KAZN: variants seen among roughly 807,000 people sequenced by gnomAD.
KAZN encodes kazrin.
KAZN carries 40 observed loss-of-function variants against 87.4 expected under a neutral mutation model. The observed-to-expected ratio is 0.46, with a 90% confidence interval of 0.36 to 0.60. KAZN has a LOEUF of 0.60. Ranked by LOEUF, KAZN falls within the 20% of genes least tolerant of loss-of-function variation. The pLI is 0.00. For missense variants in KAZN, 898 were observed against 1,073.9 expected, an observed-to-expected ratio of 0.84 and a Z score of 2.29; for synonymous variants, 466 against 458.3, an observed-to-expected ratio of 1.02 and a Z score of -0.22.
chr1:14,739,460 G>A (rs1204596749), intron 1 of KAZN, among the ~76,000 whole-genome samples: 2 of 152,006 alleles, frequency 1.3e-5, no homozygotes, highest in East Asian at 1.9e-4. Flanking sequence ...CCTCCTGTTC[G>A]TGTGATAACT....
At chr1:14,714,521 G>A (rs1330233122) in intron 1 of KAZN, among the ~76,000 whole-genome samples, 1 of 152,166 alleles carries the variant, frequency 6.6e-6, no homozygotes, top group Non-Finnish European at 1.5e-5. Flanking sequence ...GGGGCCCTGG[G>A]TTGGGAATGT....
At chr1:14,489,715 C>T (rs915563958) in intron 2 of KAZN, among the ~76,000 whole-genome samples, 2 of 146,888 alleles carry the variant, frequency 1.4e-5, no homozygotes, top group African/African-American at 5.0e-5. Flanking sequence ...GCCTGTGTGA[C>T]AGAGTAAGAC....
At chr1:15,031,708 A>G (rs1372805221) in intron 2 of KAZN, among the ~76,000 whole-genome samples, 1 of 152,084 alleles carries the variant, frequency 6.6e-6, no homozygotes, top group African/African-American at 2.4e-5. Context: ...TGCTCAAGCA[A>G]TCATCCCACC....
chr1:14,056,458 C>T (rs1375071987), intron 1 of KAZN, among the ~76,000 whole-genome samples: 1 of 152,162 alleles, frequency 6.6e-6, no homozygotes, highest in Non-Finnish European at 1.5e-5. Flanking sequence ...AACAGATTTC[C>T]CCTGGAGCTT....
intron 1 of KAZN, among the ~76,000 whole-genome samples, chr1:14,801,687 T>C (rs1646030436): frequency 7.1e-6 from 1 of 141,306 alleles, no homozygotes; most frequent in African/African-American, 2.7e-5. Context: ...TTTTTTTGTT[T>C]TTTTGTTTTT....
chr1:13,895,090 A>G (rs907302860), intron 1 of KAZN, among the ~76,000 whole-genome samples: 10 of 152,240 alleles, frequency 6.6e-5, no homozygotes, highest in Admixed American at 1.3e-4. Context: ...ATGTGAAAAC[A>G]TCCTTCTATG....
Position 15,044,594 on chromosome 1 carries a change from A to G in KAZN, c.726+435A>G, listed in dbSNP as rs530830895. Among the ~76,000 whole-genome samples the G allele has an allele frequency of 9.9e-5, 15 of 152,184 alleles. No homozygotes were observed. In the East Asian group the frequency reaches 2.5e-3, roughly 26 times the overall value. On this transcript the variant is annotated intron_variant, in intron 4 of 14. Transcript: ENST00000376030. ...GGCAAAACCCTATCTCTACCAAAAA[A>G]TTAGCCAGGCCTGGTACATGCCTGT...
intron 1 of KAZN, among the ~76,000 whole-genome samples, chr1:14,137,401 C>G (rs1645131315): frequency 6.6e-6 from 1 of 152,188 alleles, no homozygotes; most frequent in South Asian, 2.1e-4. Flanking sequence ...CATCCATCTA[C>G]TGACCAGAAC....
At chr1:14,911,591 C>T (rs1200558031) in intron 1 of KAZN, among the ~76,000 whole-genome samples, 2 of 152,324 alleles carry the variant, frequency 1.3e-5, no homozygotes, top group South Asian at 4.1e-4. Flanking sequence ...GGAACCCACA[C>T]CCTGTCACTG....
At chr1:14,234,824 G>T (rs1648249252) in intron 2 of KAZN, among the ~76,000 whole-genome samples, 1 of 152,206 alleles carries the variant, frequency 6.6e-6, no homozygotes, top group Non-Finnish European at 1.5e-5. Context: ...AAGCAGGTTG[G>T]CATATGTAGT....
intron 1 of KAZN, among the ~76,000 whole-genome samples, chr1:14,905,098 G>A (rs369190069): frequency 4.6e-5 from 7 of 151,784 alleles, no homozygotes; most frequent in Admixed American, 2.6e-4. Flanking sequence ...TCGCTCCTTC[G>A]CCCAGGCTGG....
chr1:14,547,474 G>A (rs749218309), intron 2 of KAZN, among the ~76,000 whole-genome samples: 14 of 152,162 alleles, frequency 9.2e-5, no homozygotes, highest in South Asian at 2.1e-4. Context: ...GGAACAGATC[G>A]TTTTCAAAAC....
chr1:14,492,689 C>CCACGCATAT (rs1557756313), intron 2 of KAZN, among the ~76,000 whole-genome samples: 1 of 50 alleles, frequency 0.02, no homozygotes, highest in Non-Finnish European at 0.033. Flanking sequence ...ACCACACACA[C>CCACGCATAT]ACCACACATA....
chr1:14,811,930 G>A (rs988402769), intron 1 of KAZN, among the ~76,000 whole-genome samples: 4 of 152,158 alleles, frequency 2.6e-5, no homozygotes, highest in Non-Finnish European at 1.5e-5. Flanking sequence ...GAAGGGCAAG[G>A]TCTTCAAAAT....
chr1:14,113,441 G>A (rs1408047581), intron 1 of KAZN, among the ~76,000 whole-genome samples: 10 of 152,182 alleles, frequency 6.6e-5, no homozygotes, highest in Non-Finnish European at 1.2e-4. Flanking sequence ...CCCGAAAAAT[G>A]CAGGCGTACA....
chr1:14,935,717 T>G (rs1011864697), intron 1 of KAZN, among the ~76,000 whole-genome samples: 28 of 152,276 alleles, frequency 1.8e-4, no homozygotes, highest in Admixed American at 1.4e-3. Flanking sequence ...TACCCTGGCC[T>G]GTTCCCTGCC....
chr1:14,980,912 C>T (rs2101894336), intron 2 of KAZN, among the ~76,000 whole-genome samples: 1 of 152,222 alleles, frequency 6.6e-6, no homozygotes, highest in African/African-American at 2.4e-5. Context: ...GGCTCCTAGA[C>T]TGCGTGTCTT....
chr1:13,936,096 G>GTTT (rs70984301), intron 1 of KAZN, among the ~76,000 whole-genome samples: 1,754 of 84,846 alleles, frequency 0.021, 191 homozygotes, highest in African/African-American at 0.069. Flanking sequence ...TACAAGTGCA[G>GTTT]TTTTTTTTTT....
intron 2 of KAZN, among the ~76,000 whole-genome samples, chr1:14,338,348 G>A (rs540696599): frequency 2.2e-4 from 33 of 152,028 alleles, no homozygotes; most frequent in African/African-American, 3.4e-4. Flanking sequence ...AGCCAAGCAC[G>A]GCAGTGTGCA....
Sources: allele counts gnomAD v4.1 joint callset (sites outside exome capture counted in the v4.1 genomes callset), GRCh38; gene constraint gnomAD v4.1.1; transcripts MANE v1.5; gene names NCBI Gene and HGNC (gene_info 2026-07-23, HGNC 2026-07-21).